The following PVT1 variants were observed in gnomAD, a reference collection of about 807,000 sequenced individuals.
The protein encoded by PVT1 is Pvt1 oncogene, also known as CXCR4/PVT1 fusion.
intron 2 of PVT1, among the ~76,000 whole-genome samples, chr8:127,833,301 A>G (rs1370125532): frequency 6.6e-6 from 1 of 152,172 alleles, no homozygotes; most frequent in Non-Finnish European, 1.5e-5. Flanking sequence ...GATTGTCTGC[A>G]TTCCTCTGTG....
At chr8:127,857,111 A>C (rs1815169779) in intron 2 of PVT1, among the ~76,000 whole-genome samples, 1 of 152,194 alleles carries the variant, frequency 6.6e-6, no homozygotes, top group Admixed American at 6.5e-5. Flanking sequence ...CTGTAATCCC[A>C]GCTACTCGAG....
At chr8:127,915,366 T>G (rs1301036122) in intron 3 of PVT1, among the ~76,000 whole-genome samples, 1 of 151,260 alleles carries the variant, frequency 6.6e-6, no homozygotes, top group African/African-American at 2.4e-5. Flanking sequence ...TCCCAGCACT[T>G]TGGGAGGCCG....
At chr8:128,092,514 G>C (rs1354476550) in intron 5 of PVT1, among the ~76,000 whole-genome samples, 1 of 152,250 alleles carries the variant, frequency 6.6e-6, no homozygotes, top group African/African-American at 2.4e-5. Flanking sequence ...TCTCAGGCTT[G>C]CTGGGGACAC....
At chr8:128,022,188 G>T (rs1233183454) in intron 4 of PVT1, among the ~76,000 whole-genome samples, 2 of 152,166 alleles carry the variant, frequency 1.3e-5, no homozygotes, top group Non-Finnish European at 2.9e-5. Context: ...GTGGAGGTGG[G>T]TTACAATGTG....
chr8:128,094,410 A>G (rs1814400432), intron 5 of PVT1, among the ~76,000 whole-genome samples: 1 of 152,212 alleles, frequency 6.6e-6, no homozygotes, highest in South Asian at 2.1e-4. Flanking sequence ...ATAAAGTTTT[A>G]TTGGCACACA....
intron 3 of PVT1, among the ~76,000 whole-genome samples, chr8:127,983,029 A>G (rs1816902431): frequency 6.6e-6 from 1 of 152,126 alleles, no homozygotes; most frequent in Non-Finnish European, 1.5e-5. Flanking sequence ...TTGCAGCCGT[A>G]TTAAGGGCTC....
At chr8:127,863,077 G>GTTTT (rs1176370222) in intron 2 of PVT1, among the ~76,000 whole-genome samples, 9 of 132,616 alleles carry the variant, frequency 6.8e-5, no homozygotes, top group South Asian at 2.6e-4. Flanking sequence ...GCAGTTGCTA[G>GTTTT]TTTTATTTAT....
At chr8:127,940,999 G>C (rs1280374299) in intron 3 of PVT1, among the ~76,000 whole-genome samples, 1 of 152,204 alleles carries the variant, frequency 6.6e-6, no homozygotes, top group African/African-American at 2.4e-5. Flanking sequence ...CTGCAGGGGA[G>C]AGTCTGTTCC....
chr8:127,796,053 A>C lies in PVT1; in HGVS notation n.354A>C, dbSNP rs147432985. 1.3e-3 allele frequency: 216 copies of C among 170,434 alleles called. 4 individuals carry two copies. The East Asian group carries it at 0.03, about 24-fold the overall frequency. The allele number at this position is 170,434 out of a possible 1,614,324, so 10.6% of individuals were successfully genotyped here. ...TCTAAAGCTTCGGCACAAGGGCCCA[A>C]CTGGAATTCCACTTACGGGTATGAC... On this transcript the variant is annotated non_coding_transcript_exon_variant, in exon 2 of 11. Coordinates refer to ENST00000651587, the Ensembl canonical transcript of PVT1.
intron 3 of PVT1, among the ~76,000 whole-genome samples, chr8:127,987,435 A>G (rs922297378): frequency 3.3e-5 from 5 of 152,154 alleles, no homozygotes; most frequent in Admixed American, 6.5e-5. Context: ...GAGTCCCTAC[A>G]CTAAGTTACA....
chr8:127,840,378 G>A (rs920042939), intron 2 of PVT1, among the ~76,000 whole-genome samples: 2 of 152,210 alleles, frequency 1.3e-5, no homozygotes, highest in Non-Finnish European at 2.9e-5. Context: ...CAGCCAGCCT[G>A]TAAATGACAG....
At chr8:128,002,704 C>G (rs1447163720) in intron 4 of PVT1, among the ~76,000 whole-genome samples, 1 of 152,148 alleles carries the variant, frequency 6.6e-6, no homozygotes, top group East Asian at 1.9e-4. Flanking sequence ...ATTGCATCTT[C>G]TCTAAACCAG....
At chr8:128,100,533 G>C (rs549489642) in intron 6 of PVT1, among the ~76,000 whole-genome samples, 1 of 152,194 alleles carries the variant, frequency 6.6e-6, no homozygotes, top group Non-Finnish European at 1.5e-5. Context: ...AAAGGAACCT[G>C]CTGCAGGGAG....
intron 2 of PVT1, among the ~76,000 whole-genome samples, chr8:127,863,340 G>A (rs1815250831): frequency 1.3e-5 from 2 of 152,120 alleles, no homozygotes; most frequent in African/African-American, 2.4e-5. Flanking sequence ...TCGAACTCCT[G>A]ATCTCATGAT....
chr8:127,800,736 A>G (rs1029837785), intron 2 of PVT1, among the ~76,000 whole-genome samples: 1 of 152,102 alleles, frequency 6.6e-6, no homozygotes, highest in Non-Finnish European at 1.5e-5. Flanking sequence ...TGTGCCTGGC[A>G]TTGCTGTAGA....
chr8:128,005,264 T>C (rs1050951132), intron 4 of PVT1, among the ~76,000 whole-genome samples: 3 of 152,238 alleles, frequency 2.0e-5, no homozygotes, highest in African/African-American at 4.8e-5. Context: ...TTATTTGTTT[T>C]TGAAGCTCAT....
intron 2 of PVT1, among the ~76,000 whole-genome samples, chr8:127,831,044 G>GTA (rs1796306081): frequency 1.1e-5 from 1 of 94,118 alleles, no homozygotes; most frequent in African/African-American, 3.6e-5. Context: ...ATATACATAC[G>GTA]TGTGTGTGTG....
intron 4 of PVT1, among the ~76,000 whole-genome samples, chr8:128,057,946 G>A (rs538255153): frequency 1.3e-5 from 2 of 152,272 alleles, no homozygotes; most frequent in African/African-American, 2.4e-5. Context: ...AAGGTCTTCC[G>A]TCAAATTGAT....
chr8:127,931,268 C>T (rs1267168715), intron 3 of PVT1, among the ~76,000 whole-genome samples: 1 of 152,172 alleles, frequency 6.6e-6, no homozygotes, highest in Non-Finnish European at 1.5e-5. Context: ...AGGGAGACCC[C>T]TTTTCCATTT....
Sources: allele counts gnomAD v4.1 joint callset (sites outside exome capture counted in the v4.1 genomes callset), GRCh38; gene constraint gnomAD v4.1.1; transcripts MANE v1.5; gene names NCBI Gene and HGNC (gene_info 2026-07-23, HGNC 2026-07-21).